Variants in DPP10 observed in about 807,000 individuals in gnomAD.
The protein encoded by DPP10 is inactive dipeptidyl peptidase 10.
Under a neutral mutation model 120.9 loss-of-function variants are expected in DPP10, and 33 were observed. The ratio of observed to expected loss-of-function variants is 0.27; its 90% CI spans 0.21 to 0.37. DPP10 has a LOEUF of 0.37. Ranked by LOEUF, DPP10 falls within the 10% of genes least tolerant of loss-of-function variation. DPP10 has a pLI of 1.00. For synonymous variants in DPP10, 337 were observed against 326.1 expected, an observed-to-expected ratio of 1.03 and a Z score of -0.36; for missense variants, 816 against 942.8, an observed-to-expected ratio of 0.87 and a Z score of 1.76.
Position 114,773,391 on chromosome 2 carries a change from C to T in DPP10, c.60+330553C>T, listed in dbSNP as rs319859. 5.1e-4 allele frequency among the ~76,000 whole-genome samples: 28 copies of T among 55,356 alleles called. 1 individual carries two copies. Among genetic ancestry groups the T allele is most frequent in the Admixed American group, 1.8e-3 (8 of 4,340 alleles). 36.3% of individuals were successfully genotyped at this position (55,356 alleles called of 152,430 possible). The stretch of plus-strand genomic sequence containing the variant: ...TGACTTTTTAAATGAACACTCATCA[C>T]GGACTTTTAGTTTATACAAATTATA... On this transcript the variant is annotated intron_variant, in intron 1 of 25. Coordinates refer to ENST00000410059, the MANE Select transcript of DPP10 (RefSeq NM_020868.6).
At chr2:114,456,184 C>T (rs2104552435) in intron 1 of DPP10, among the ~76,000 whole-genome samples, 1 of 152,274 alleles carries the variant, frequency 6.6e-6, no homozygotes, top group Non-Finnish European at 1.5e-5. Flanking sequence ...GAACTGGGAA[C>T]TCAGACCTCA....
chr2:115,261,565 A>G (rs1431261882), intron 1 of DPP10, among the ~76,000 whole-genome samples: 1 of 152,178 alleles, frequency 6.6e-6, no homozygotes, highest in Non-Finnish European at 1.5e-5. Flanking sequence ...AAATTTCCAC[A>G]CTTCTTCAAT....
chr2:115,703,219 A>G (rs1018135017), intron 7 of DPP10, among the ~76,000 whole-genome samples: 1 of 151,754 alleles, frequency 6.6e-6, no homozygotes, highest in Non-Finnish European at 1.5e-5. Flanking sequence ...ATTTATTATT[A>G]TTATTATTTT....
intron 1 of DPP10, among the ~76,000 whole-genome samples, chr2:114,887,653 G>T (rs1692183601): frequency 2.6e-5 from 4 of 152,102 alleles, no homozygotes; most frequent in South Asian, 4.1e-4. Context: ...AGTATCTAGG[G>T]ATCACAGCAG....
intron 1 of DPP10, among the ~76,000 whole-genome samples, chr2:115,264,461 G>T (rs1574219449): frequency 6.6e-6 from 1 of 152,100 alleles, no homozygotes; most frequent in East Asian, 1.9e-4. Context: ...TCTACATCCT[G>T]GTTGGATACA....
chr2:114,775,398 G>T, intron 1 of DPP10, among the ~76,000 whole-genome samples: 1 of 152,140 alleles, frequency 6.6e-6, no homozygotes, highest in East Asian at 1.9e-4. Flanking sequence ...GGGAGTTTGT[G>T]GTTAGTATAG....
At chr2:115,207,177 A>T (rs780548615) in intron 1 of DPP10, among the ~76,000 whole-genome samples, 1 of 152,200 alleles carries the variant, frequency 6.6e-6, no homozygotes, top group Non-Finnish European at 1.5e-5. Context: ...GATTTTGCAG[A>T]TCGGCAAACA....
chr2:115,053,345 A>T (rs558480761), intron 1 of DPP10, among the ~76,000 whole-genome samples: 1 of 152,338 alleles, frequency 6.6e-6, no homozygotes, highest in South Asian at 2.1e-4. Flanking sequence ...AAATTATCCT[A>T]AATGAAAGAT....
chr2:114,469,756 A>G (rs1183556310), intron 1 of DPP10, among the ~76,000 whole-genome samples: 1 of 152,144 alleles, frequency 6.6e-6, no homozygotes, highest in East Asian at 1.9e-4. Flanking sequence ...AAATATATGT[A>G]TATTGAATGG....
chr2:114,844,601 A>G (rs1688404724), intron 1 of DPP10, among the ~76,000 whole-genome samples: 1 of 152,058 alleles, frequency 6.6e-6, no homozygotes, highest in African/African-American at 2.4e-5. Context: ...GATTCTTTTA[A>G]GAACTTCCTT....
chr2:115,017,346 G>A (rs1702722052), intron 1 of DPP10, among the ~76,000 whole-genome samples: 1 of 152,042 alleles, frequency 6.6e-6, no homozygotes, highest in South Asian at 2.1e-4. Context: ...TAAAAACGTG[G>A]GAAACAACAG....
intron 7 of DPP10, among the ~76,000 whole-genome samples, chr2:115,708,002 A>G (rs2092187043): frequency 1.3e-5 from 2 of 151,976 alleles, no homozygotes; most frequent in Admixed American, 1.3e-4. Flanking sequence ...ATATATATGG[A>G]TATAGATATA....
At chr2:115,003,413 A>T (rs1397095561) in intron 1 of DPP10, among the ~76,000 whole-genome samples, 2 of 152,100 alleles carry the variant, frequency 1.3e-5, no homozygotes, top group Non-Finnish European at 2.9e-5. Flanking sequence ...CTTATTGGGT[A>T]CTATGCTCAT....
chr2:114,630,102 G>A (rs1384427041), intron 1 of DPP10, among the ~76,000 whole-genome samples: 5 of 152,062 alleles, frequency 3.3e-5, no homozygotes, highest in Admixed American at 6.6e-5. Flanking sequence ...GAACATATTA[G>A]CAATATGCTC....
intron 2 of DPP10, among the ~76,000 whole-genome samples, chr2:115,341,559 A>T (rs891433311): frequency 2.6e-5 from 4 of 152,214 alleles, no homozygotes; most frequent in African/African-American, 9.6e-5. Context: ...TTGTAGAATC[A>T]TATGGAATAA....
intron 1 of DPP10, among the ~76,000 whole-genome samples, chr2:115,054,347 A>G (rs1298756161): frequency 6.6e-6 from 1 of 152,196 alleles, no homozygotes; most frequent in Non-Finnish European, 1.5e-5. Context: ...CTTCACATTT[A>G]TCTCTTCCTA....
intron 3 of DPP10, among the ~76,000 whole-genome samples, chr2:115,360,070 T>C (rs1267615846): frequency 6.6e-6 from 1 of 152,236 alleles, no homozygotes; most frequent in Admixed American, 6.5e-5. Flanking sequence ...TTGAGCTTCC[T>C]TGTTACCAAG....
At chr2:115,491,848 G>A (rs2076142381) in intron 3 of DPP10, among the ~76,000 whole-genome samples, 1 of 152,140 alleles carries the variant, frequency 6.6e-6, no homozygotes, top group South Asian at 2.1e-4. Context: ...TTTGCTAAAG[G>A]CAAGCCATAG....
chr2:115,590,777 C>A (rs1225006386), intron 5 of DPP10, among the ~76,000 whole-genome samples: 1 of 152,180 alleles, frequency 6.6e-6, no homozygotes, highest in Non-Finnish European at 1.5e-5. Context: ...AGTTTAAAGT[C>A]CCACCAGCAG....
Sources: gnomAD v4.1 joint callset for allele counts (sites outside exome capture counted in the v4.1 genomes callset) on GRCh38, gnomAD v4.1.1 for gene constraint, MANE v1.5 for transcripts, NCBI Gene and HGNC (gene_info 2026-07-23, HGNC 2026-07-21) for gene names.